Variants in PALM2AKAP2 observed in about 807,000 individuals in gnomAD.
PALM2AKAP2 encodes the protein PALM2-AKAP2 fusion protein.
A neutral mutation model predicts 71.5 loss-of-function variants in PALM2AKAP2; 37 were observed. That is an observed-to-expected ratio of 0.52 (90% CI 0.40 to 0.68). The LOEUF is 0.68. Ranked by LOEUF, PALM2AKAP2 falls within the 30% of genes least tolerant of loss-of-function variation. PALM2AKAP2 has a pLI of 0.00. For synonymous variants in PALM2AKAP2, 468 were observed against 478.8 expected (o/e 0.98, Z 0.29); for missense variants, 1,224 against 1,191.8 (o/e 1.03, Z -0.40).
chr9:109,961,713 T>C (rs1450546100), intron 6 of PALM2AKAP2, among the ~76,000 whole-genome samples: 7 of 152,228 alleles, frequency 4.6e-5, no homozygotes, highest in Non-Finnish European at 1.0e-4. Flanking sequence ...CAATTCTCCA[T>C]GATACAGACA....
chr9:109,691,580 C>T (rs1827884309), intron 1 of PALM2AKAP2, among the ~76,000 whole-genome samples: 1 of 151,576 alleles, frequency 6.6e-6, no homozygotes, highest in Admixed American at 6.6e-5. Context: ...CAAATTTGAC[C>T]TTTCTCTCCC....
intron 2 of PALM2AKAP2, among the ~76,000 whole-genome samples, chr9:110,142,385 A>T (rs10125885): frequency 6.6e-6 from 1 of 152,106 alleles, no homozygotes; most frequent in Non-Finnish European, 1.5e-5. Flanking sequence ...GAGCCACTGC[A>T]CCTGGCCCTT....
chr9:109,649,778 G>C (rs1438402274), intron 1 of PALM2AKAP2, among the ~76,000 whole-genome samples: 1 of 152,210 alleles, frequency 6.6e-6, no homozygotes, highest in African/African-American at 2.4e-5. Flanking sequence ...GGAGACATTA[G>C]CTTTGGATTG....
intron 1 of PALM2AKAP2, among the ~76,000 whole-genome samples, chr9:110,114,355 T>TG: frequency 6.6e-6 from 1 of 152,304 alleles, no homozygotes; most frequent in Non-Finnish European, 1.5e-5. Context: ...TCACTGGATT[T>TG]GGGGCCCACT....
chr9:109,699,531 C>T (rs1401963627), intron 1 of PALM2AKAP2, among the ~76,000 whole-genome samples: 2 of 152,002 alleles, frequency 1.3e-5, no homozygotes, highest in Non-Finnish European at 2.9e-5. Context: ...AAATTATAGG[C>T]CAGAACATTA....
At chr9:109,855,354 T>C (rs1180767406) in intron 1 of PALM2AKAP2, among the ~76,000 whole-genome samples, 1 of 152,250 alleles carries the variant, frequency 6.6e-6, no homozygotes, top group African/African-American at 2.4e-5. Flanking sequence ...ATTACAGGCA[T>C]GAGCCACTGC....
exon 4 of PALM2AKAP2, chr9:110,168,652 TGAAAC>T (rs772619745): frequency 1.1e-6 from 1 of 947,084 alleles, no homozygotes; most frequent in South Asian, 2.0e-5. Flanking sequence ...ATGATGAAAA[TGAAAC>T]GAAAAGGAAG....
At chr9:109,968,635 T>A (rs147129853) in intron 6 of PALM2AKAP2, among the ~76,000 whole-genome samples, 81 of 152,294 alleles carry the variant, frequency 5.3e-4, no homozygotes, top group African/African-American at 1.9e-3. Flanking sequence ...GCCTTCAGCA[T>A]CTACCACTTG....
intron 3 of PALM2AKAP2, among the ~76,000 whole-genome samples, chr9:109,900,701 C>G (rs951124274): frequency 1.3e-5 from 2 of 152,132 alleles, no homozygotes; most frequent in African/African-American, 2.4e-5. Flanking sequence ...GGGAGGCAAG[C>G]CTTTAGAGTT....
intron 1 of PALM2AKAP2, among the ~76,000 whole-genome samples, chr9:109,841,363 T>G: frequency 6.9e-6 from 1 of 145,978 alleles, no homozygotes; most frequent in African/African-American, 2.6e-5. Flanking sequence ...CTGGGGCCTG[T>G]TGTGGGGTGG....
chr9:109,780,111 A>G (rs1302805224), upstream of PALM2AKAP2, among the ~76,000 whole-genome samples: 1 of 151,016 alleles, frequency 6.6e-6, no homozygotes, highest in Non-Finnish European at 1.5e-5. Context: ...CCTCGGGTCC[A>G]TCACACTCCA....
chr9:109,660,624 C>A lies in PALM2AKAP2; in HGVS notation c.5+19758C>A, dbSNP rs187576569. The stretch of plus-strand genomic sequence containing the variant: ...ATGGACATTTGGGTTGTTTCCAAGT[C>A]TTTTCTATTGTGAATAGTGCCGCAA... On this transcript the variant is annotated intron_variant, in intron 1 of 6. Transcript: ENST00000374531. Among the ~76,000 whole-genome samples the A allele has an allele frequency of 3.5e-3, 525 of 152,048 alleles. 1 individual carries two copies. The highest frequency in any genetic ancestry group is 6.2e-3 in the Non-Finnish European group (425 of 68,012).
At chr9:109,949,355 C>T (rs973645723) in intron 6 of PALM2AKAP2, among the ~76,000 whole-genome samples, 10 of 152,142 alleles carry the variant, frequency 6.6e-5, no homozygotes, top group Admixed American at 6.5e-4. Context: ...GAGATGGACT[C>T]AAATTCTATG....
chr9:109,841,213 T>G (rs10759378), intron 1 of PALM2AKAP2, among the ~76,000 whole-genome samples: 127,131 of 151,550 alleles, frequency 0.84, 53,707 homozygotes, highest in African/African-American at 0.95. Context: ...CATGTCCTTT[T>G]TAGGGACATG....
intron 1 of PALM2AKAP2, among the ~76,000 whole-genome samples, chr9:110,077,970 C>G (rs1473576694): frequency 6.7e-6 from 1 of 150,296 alleles, no homozygotes; most frequent in South Asian, 2.1e-4. Context: ...GCCGAGATCG[C>G]GCTACTGCAC....
chr9:110,060,117 T>C (rs1833931098), intron 1 of PALM2AKAP2, among the ~76,000 whole-genome samples: 1 of 145,762 alleles, frequency 6.9e-6, no homozygotes, highest in Non-Finnish European at 1.5e-5. Flanking sequence ...TTTGTTTTTG[T>C]TTTTGTTTTT....
chr9:109,897,473 G>A (rs1011444790), intron 3 of PALM2AKAP2, among the ~76,000 whole-genome samples: 1 of 152,018 alleles, frequency 6.6e-6, no homozygotes, highest in Non-Finnish European at 1.5e-5. Flanking sequence ...CCAGCTACTC[G>A]GGAGGCTGAG....
intron 6 of PALM2AKAP2, among the ~76,000 whole-genome samples, chr9:109,956,024 T>G (rs75949607): frequency 1.2e-4 from 18 of 151,488 alleles, no homozygotes; most frequent in African/African-American, 4.4e-4. Flanking sequence ...TTTTTTTTTT[T>G]GAGACAGTCT....
intron 6 of PALM2AKAP2, among the ~76,000 whole-genome samples, chr9:109,963,973 A>G (rs568271471): frequency 3.3e-5 from 5 of 152,352 alleles, no homozygotes; most frequent in Admixed American, 2.6e-4. Flanking sequence ...GTAACAGGCC[A>G]CAGAATCTCG....
Sources: allele counts gnomAD v4.1 joint callset (sites outside exome capture counted in the v4.1 genomes callset), GRCh38; gene constraint gnomAD v4.1.1; transcripts MANE v1.5; gene names NCBI Gene and HGNC (gene_info 2026-07-23, HGNC 2026-07-21).